Variants in MTA3 observed in about 807,000 individuals in gnomAD.
MTA3 encodes the protein metastasis-associated protein MTA3.
A neutral mutation model predicts 83.5 loss-of-function variants in MTA3; 34 were observed. The observed-to-expected ratio is 0.41, with a 90% CI of 0.31 to 0.54. The LOEUF (loss-of-function observed/expected upper bound fraction) is 0.54, where lower values mean the gene tolerates loss of function less well. Among genes scored for constraint, MTA3 ranks in the 20% least tolerant of loss-of-function variants. The pLI is 0.33. For missense variants in MTA3, 761 were observed against 726.4 expected, an observed-to-expected ratio of 1.05 and a Z score of -0.55; for synonymous variants, 303 against 252.7, an observed-to-expected ratio of 1.20 and a Z score of -1.89.
chr2:42,550,513 A>C (rs1252173144), intron 2 of MTA3, among the ~76,000 whole-genome samples: 1 of 152,162 alleles, frequency 6.6e-6, no homozygotes, highest in Non-Finnish European at 1.5e-5. Flanking sequence ...AGCAGAAGGA[A>C]GGAGGTCAGG....
chr2:42,548,820 TATATATATAATATATATATATATATA>T (rs1198442632), intron 2 of MTA3, among the ~76,000 whole-genome samples: 7 of 24,826 alleles, frequency 2.8e-4, no homozygotes, highest in Non-Finnish European at 5.7e-4. Context: ...AATATATATA[TATATATATAATATATATATATATATA>T]ATATATATAT....
intron 2 of MTA3, among the ~76,000 whole-genome samples, chr2:42,548,863 TATATATATATATA>T (rs1676919870): frequency 8.4e-5 from 1 of 11,946 alleles, no homozygotes; most frequent in Non-Finnish European, 1.3e-4. Flanking sequence ...ATATATAATA[TATATATATATATA>T]ATATATATAT....
intron 3 of MTA3, among the ~76,000 whole-genome samples, chr2:42,580,289 C>T (rs537523026): frequency 1.7e-4 from 26 of 151,790 alleles, no homozygotes; most frequent in African/African-American, 4.8e-4. Flanking sequence ...CCACATTTTT[C>T]CCCCCCTTCT....
intron 9 of MTA3, among the ~76,000 whole-genome samples, chr2:42,683,383 T>A (rs1692099081): frequency 6.6e-6 from 1 of 152,210 alleles, no homozygotes; most frequent in Non-Finnish European, 1.5e-5. Context: ...TCTTTGATTC[T>A]TCTTAATGAT....
At chr2:42,590,777 T>C (rs1337949882) in intron 3 of MTA3, among the ~76,000 whole-genome samples, 2 of 152,026 alleles carry the variant, frequency 1.3e-5, no homozygotes, top group African/African-American at 2.4e-5. Context: ...TGCACCACCA[T>C]GCCTGGCTAA....
chr2:42,733,981 G>A (rs987824301), intron 16 of MTA3, among the ~76,000 whole-genome samples: 3 of 152,140 alleles, frequency 2.0e-5, no homozygotes, highest in Non-Finnish European at 2.9e-5. Context: ...CACATGCTAA[G>A]GAGAAGAATA....
chr2:42,590,613 CTTTTTTT>C lies in MTA3; in HGVS notation c.190+11426_190+11432del, dbSNP rs746232027. Among the ~76,000 whole-genome samples the C allele has an allele frequency of 6.4e-4, 74 of 115,708 alleles. No homozygotes were observed. In the Middle Eastern group the frequency reaches 0.022, roughly 34 times the overall value. 75.9% of individuals were successfully genotyped at this position (115,708 alleles called of 152,430 possible). The stretch of plus-strand genomic sequence containing the variant: ...CTGGGCTTGCTTTTTTTCATGTTTG[CTTTTTTT>C]TTTTTTTTTTTTGTGAGGTGGAGTC... On this transcript the variant is annotated intron_variant, in intron 3 of 16. Transcript: ENST00000405094.
intron 16 of MTA3, among the ~76,000 whole-genome samples, chr2:42,745,832 T>TTTTTTTTTTTTTTTTTTTTTA (rs70963350): frequency 1.3e-5 from 2 of 149,608 alleles, no homozygotes; most frequent in African/African-American, 4.9e-5. Flanking sequence ...CTCTTTTTTT[T>TTTTTTTTTTTTTTTTTTTTTA]GAGACAGAGT....
At chr2:42,743,643 G>A (rs921441251) in intron 16 of MTA3, among the ~76,000 whole-genome samples, 17 of 152,074 alleles carry the variant, frequency 1.1e-4, no homozygotes, top group African/African-American at 3.6e-4. Context: ...CTATGAAGAG[G>A]GTATCTAATG....
chr2:42,587,054 G>A (rs772369978), intron 3 of MTA3, among the ~76,000 whole-genome samples: 113 of 150,808 alleles, frequency 7.5e-4, no homozygotes, highest in Non-Finnish European at 1.2e-3. Flanking sequence ...TTAGTCAGGT[G>A]TGGTGGCAGG....
chr2:42,647,348 C>T (rs1199340354), intron 6 of MTA3, among the ~76,000 whole-genome samples: 3 of 151,708 alleles, frequency 2.0e-5, no homozygotes, highest in Non-Finnish European at 4.4e-5. Context: ...CTCGACCTCT[C>T]GAGTAGCTGG....
chr2:42,539,263 G>T (rs1028025242), intron 2 of MTA3, among the ~76,000 whole-genome samples: 13 of 152,144 alleles, frequency 8.5e-5, no homozygotes, highest in African/African-American at 3.1e-4. Flanking sequence ...AAGGAAAGAG[G>T]TTTAATTGAC....
chr2:42,551,575 G>C (rs1677111589), intron 2 of MTA3, among the ~76,000 whole-genome samples: 1 of 152,024 alleles, frequency 6.6e-6, no homozygotes, highest in Admixed American at 6.6e-5. Flanking sequence ...TCTTCTCAAA[G>C]AGCTTACATT....
chr2:42,510,455 C>T (rs1471978825), intron 2 of MTA3, among the ~76,000 whole-genome samples: 2 of 152,056 alleles, frequency 1.3e-5, no homozygotes, highest in African/African-American at 4.8e-5. Context: ...ATGTCTGGGT[C>T]CCCGCCTTCA....
At chr2:42,572,510 G>T (rs1678603036) in intron 2 of MTA3, among the ~76,000 whole-genome samples, 1 of 152,026 alleles carries the variant, frequency 6.6e-6, no homozygotes, top group South Asian at 2.1e-4. Context: ...AGGAGGTCAA[G>T]GCTGCCGTGA....
At chr2:42,701,745 G>A (rs1405524325) in intron 11 of MTA3, among the ~76,000 whole-genome samples, 2 of 151,612 alleles carry the variant, frequency 1.3e-5, no homozygotes, top group South Asian at 2.1e-4. Context: ...GTGAAACCCC[G>A]TCTCTACTAA....
At chr2:42,509,273 C>T (rs1198566928) in intron 2 of MTA3, among the ~76,000 whole-genome samples, 1 of 152,092 alleles carries the variant, frequency 6.6e-6, no homozygotes, top group Admixed American at 6.6e-5. Context: ...GAACTCCTGA[C>T]CTCAAGTGAT....
intron 4 of MTA3, among the ~76,000 whole-genome samples, chr2:42,616,146 G>A (rs929183325): frequency 4.0e-5 from 6 of 150,510 alleles, no homozygotes; most frequent in Admixed American, 6.6e-5. Context: ...CTGCAACTCC[G>A]CCTCCCGGTT....
chr2:42,522,979 T>C (rs539062465), intron 2 of MTA3, among the ~76,000 whole-genome samples: 1 of 151,844 alleles, frequency 6.6e-6, no homozygotes, highest in Admixed American at 6.6e-5. Flanking sequence ...CCAGCTAATT[T>C]TTTTTTTCTT....
Sources: allele counts gnomAD v4.1 joint callset (sites outside exome capture counted in the v4.1 genomes callset), GRCh38; gene constraint gnomAD v4.1.1; transcripts MANE v1.5; gene names NCBI Gene and HGNC (gene_info 2026-07-23, HGNC 2026-07-21).